MGAT4C: variants seen among roughly 807,000 people sequenced by gnomAD.
MGAT4C encodes MGAT4 family member C, also known as alpha-1,3-mannosyl-glycoprotein 4-beta-N-acetylglucosaminyltransferase C.
MGAT4C carries 19 observed loss-of-function variants against 40.1 expected under a neutral mutation model. The ratio of observed to expected loss-of-function variants is 0.47; its 90% CI spans 0.33 to 0.70. The LOEUF is 0.70. Ranked by LOEUF, MGAT4C falls within the 30% of genes least tolerant of loss-of-function variation. MGAT4C has a pLI of 0.02. For missense variants in MGAT4C, 491 were observed against 563.2 expected (o/e 0.87, Z 1.30); for synonymous variants, 181 against 187.1 (o/e 0.97, Z 0.27).
At chr12:86,120,276 C>A (rs559102724) in intron 1 of MGAT4C, among the ~76,000 whole-genome samples, 6 of 151,912 alleles carry the variant, frequency 3.9e-5, no homozygotes, top group Middle Eastern at 3.4e-3. Context: ...GCACAATGGG[C>A]AGATTTTTCC....
In MGAT4C at chr12:85,957,624, G is replaced by A. The variant is rs1355476433; in HGVS notation, c.*21665C>T. On this transcript the variant is annotated 3_prime_UTR_variant, in exon 5 of 5. Coordinates refer to ENST00000611864, the MANE Select transcript of MGAT4C (RefSeq NM_001351288.2). ...CTCTGTTATGTCAAATAAAACCACAGATTTTCTTTTACTGTAGAGTTGAAT... is the reference window on the plus strand; with the variant it reads ...CTCTGTTATGTCAAATAAAACCACAAATTTTCTTTTACTGTAGAGTTGAAT... The A allele has an allele frequency of 1.9e-5, 2 of 103,960 alleles. No homozygotes were observed. The highest frequency in any genetic ancestry group is 5.7e-4 in the South Asian group (2 of 3,488). 6.4% of individuals were successfully genotyped at this position (103,960 alleles called of 1,614,324 possible). A position where few individuals can be genotyped will look rare whatever the true frequency, so the allele number is the denominator to read the frequency against.
At chr12:86,698,793 T>C (rs1271631606) in intron 2 of MGAT4C, among the ~76,000 whole-genome samples, 1 of 152,152 alleles carries the variant, frequency 6.6e-6, no homozygotes, top group Non-Finnish European at 1.5e-5. Flanking sequence ...TCTGATCATT[T>C]TGTCTGTGGT....
chr12:86,492,274 T>C (rs1252321255), intron 2 of MGAT4C, among the ~76,000 whole-genome samples: 2 of 152,200 alleles, frequency 1.3e-5, no homozygotes, highest in East Asian at 3.9e-4. Flanking sequence ...AATGACTTTC[T>C]TCACAGAATT....
chr12:86,755,203 A>C (rs888367034), intron 1 of MGAT4C, among the ~76,000 whole-genome samples: 1 of 152,152 alleles, frequency 6.6e-6, no homozygotes, highest in Non-Finnish European at 1.5e-5. Flanking sequence ...TTCTAGACAA[A>C]TAATTTTGCC....
intron 1 of MGAT4C, among the ~76,000 whole-genome samples, chr12:86,227,024 T>C (rs972345193): frequency 2.4e-4 from 37 of 151,886 alleles, no homozygotes; most frequent in African/African-American, 8.7e-4. Flanking sequence ...TTAAACTTCA[T>C]TGCAAATTTT....
intron 3 of MGAT4C, among the ~76,000 whole-genome samples, chr12:86,399,096 G>A (rs182951619): frequency 0.014 from 2,084 of 152,014 alleles, 42 homozygotes; most frequent in African/African-American, 0.048. Flanking sequence ...TCAGCCTCCC[G>A]AGTAGCTGGG....
chr12:86,410,382 A>G (rs1353078060), intron 3 of MGAT4C, among the ~76,000 whole-genome samples: 1 of 152,088 alleles, frequency 6.6e-6, no homozygotes, highest in Non-Finnish European at 1.5e-5. Context: ...GCAGGGTATT[A>G]ATTATTAATA....
intron 1 of MGAT4C, among the ~76,000 whole-genome samples, chr12:86,794,189 C>T (rs1456800025): frequency 6.6e-6 from 1 of 151,544 alleles, no homozygotes; most frequent in African/African-American, 2.4e-5. Context: ...TATATTCAGA[C>T]ATCAAAACAT....
chr12:86,774,397 C>G (rs1253822342), intron 1 of MGAT4C, among the ~76,000 whole-genome samples: 1 of 12,966 alleles, frequency 7.7e-5, no homozygotes, highest in Non-Finnish European at 5.3e-4. Context: ...TCTCTCTCTC[C>G]TCTCTCTCTC....
chr12:86,357,466 T>G (rs867043915), intron 3 of MGAT4C, among the ~76,000 whole-genome samples: 4 of 152,134 alleles, frequency 2.6e-5, no homozygotes, highest in Admixed American at 2.0e-4. Flanking sequence ...CAAAGCTGGA[T>G]AGAGAATGAC....
At chr12:86,740,099 T>C (rs1951045953) in intron 1 of MGAT4C, among the ~76,000 whole-genome samples, 1 of 151,170 alleles carries the variant, frequency 6.6e-6, no homozygotes, top group Non-Finnish European at 1.5e-5. Flanking sequence ...ATGTTCATTT[T>C]CATTTTAGCA....
intron 1 of MGAT4C, among the ~76,000 whole-genome samples, chr12:86,191,752 G>GTGTA (rs1491147294): frequency 6.9e-4 from 2 of 2,902 alleles, no homozygotes; most frequent in Non-Finnish European, 1.2e-3. Flanking sequence ...GGAGATAAAG[G>GTGTA]TGTGTGTGTG....
At chr12:86,763,316 G>A (rs1176227192) in intron 1 of MGAT4C, among the ~76,000 whole-genome samples, 2 of 152,092 alleles carry the variant, frequency 1.3e-5, no homozygotes, top group East Asian at 3.9e-4. Context: ...AACTAGGTAG[G>A]GTAAAACTTC....
chr12:86,093,941 A>G (rs1457428262), intron 1 of MGAT4C, among the ~76,000 whole-genome samples: 1 of 152,170 alleles, frequency 6.6e-6, no homozygotes, highest in Non-Finnish European at 1.5e-5. Context: ...CATTTCTTGC[A>G]TATTCTTGTA....
chr12:86,141,917 A>G (rs1276902880), intron 1 of MGAT4C, among the ~76,000 whole-genome samples: 7 of 152,180 alleles, frequency 4.6e-5, no homozygotes, highest in African/African-American at 1.7e-4. Flanking sequence ...CTTTCACTTC[A>G]TGCCAGTGTA....
chr12:86,535,554 T>C (rs1006900397), intron 2 of MGAT4C, among the ~76,000 whole-genome samples: 2 of 152,068 alleles, frequency 1.3e-5, no homozygotes, highest in Admixed American at 6.6e-5. Flanking sequence ...GTCCTGTAAT[T>C]AGACAGCATA....
intron 2 of MGAT4C, among the ~76,000 whole-genome samples, chr12:85,990,269 C>T (rs1418273178): frequency 1.3e-5 from 2 of 151,956 alleles, no homozygotes; most frequent in African/African-American, 4.8e-5. Context: ...TTCGTGAAAA[C>T]CTAATTTAAA....
At chr12:86,264,053 A>G (rs185028717) in intron 4 of MGAT4C, among the ~76,000 whole-genome samples, 1,514 of 149,344 alleles carry the variant, frequency 0.01, 17 homozygotes, top group Admixed American at 0.022. Flanking sequence ...TTGGTGGGTT[A>G]TTTGAGTTCT....
At chr12:86,393,391 T>A (rs1341862840) in intron 3 of MGAT4C, among the ~76,000 whole-genome samples, 1 of 152,166 alleles carries the variant, frequency 6.6e-6, no homozygotes, top group Non-Finnish European at 1.5e-5. Context: ...ATTTCTAGCT[T>A]GGAAGGAATA....
Sources: gnomAD v4.1 joint callset for allele counts (sites outside exome capture counted in the v4.1 genomes callset) on GRCh38, gnomAD v4.1.1 for gene constraint, MANE v1.5 for transcripts, NCBI Gene and HGNC (gene_info 2026-07-23, HGNC 2026-07-21) for gene names.